GRIN2B: variants seen among roughly 807,000 people sequenced by gnomAD.
GRIN2B encodes the protein glutamate receptor ionotropic, NMDA 2B.
In GRIN2B, 5 loss-of-function variants were observed where a neutral mutation model predicts 114.5. The observed-to-expected ratio is 0.04, with a 90% CI of 0.02 to 0.09. GRIN2B has a LOEUF of 0.09. Among genes scored for constraint, GRIN2B ranks in the 10% least tolerant of loss-of-function variants. GRIN2B has a pLI of 1.00. For missense variants in GRIN2B, 1,108 were observed against 1,943.5 expected (o/e 0.57, Z 8.08); for synonymous variants, 787 against 745.1 (o/e 1.06, Z -0.92).
Position 13,873,754 on chromosome 12 carries a change from T to A in GRIN2B, c.-18-7528A>T, listed in dbSNP as rs556025303. Among the ~76,000 whole-genome samples, 12 of 152,240 alleles carry A rather than the reference T, an allele frequency of 7.9e-5. No individual in the cohort carries two copies. The South Asian group carries it at 2.5e-3, about 32-fold the overall frequency. On this transcript the variant is annotated intron_variant, in intron 2 of 13. Transcript: ENST00000609686. ...CATGCTAGATACATGCCCAATTCAT[T>A]TGTCATTGAGTGACCCACATGACAA...
chr12:13,587,492 C>T (rs1948945321), intron 10 of GRIN2B, among the ~76,000 whole-genome samples: 2 of 151,968 alleles, frequency 1.3e-5, no homozygotes, highest in African/African-American at 2.4e-5. Context: ...GTAGCTGGGA[C>T]TACAGGTGCT....
chr12:13,787,283 C>T lies in GRIN2B; in HGVS notation c.412-33368G>A, dbSNP rs149791923. 7.6e-4 allele frequency among the ~76,000 whole-genome samples: 115 copies of T among 152,242 alleles called. 1 individual carries two copies. The highest frequency in any genetic ancestry group is 2.6e-3 in the African/African-American group (110 of 41,556). On this transcript the variant is annotated intron_variant, in intron 3 of 13. Coordinates refer to ENST00000609686, the MANE Select transcript of GRIN2B (RefSeq NM_000834.5). ...AACTCTTCAGCCATTCATTGCTTAT[C>T]GGACACGTATCATCAGAAAAGGTGA...
chr12:13,736,145 G>C (rs75345267), intron 4 of GRIN2B, among the ~76,000 whole-genome samples: 18 of 16,420 alleles, frequency 1.1e-3, no homozygotes, highest in African/African-American at 3.8e-3. Flanking sequence ...CGGGGGGGGG[G>C]GGGGGTTGGC....
At chr12:13,890,536 A>G (rs1306055025) in intron 2 of GRIN2B, among the ~76,000 whole-genome samples, 1 of 152,166 alleles carries the variant, frequency 6.6e-6, no homozygotes, top group African/African-American at 2.4e-5. Flanking sequence ...AGTGGCAGCA[A>G]TCTGGTTGGA....
chr12:13,705,924 G>C (rs1390422660), intron 4 of GRIN2B, among the ~76,000 whole-genome samples: 1 of 152,234 alleles, frequency 6.6e-6, no homozygotes, highest in Non-Finnish European at 1.5e-5. Context: ...GTAATCATTT[G>C]CTATCCATGC....
intron 4 of GRIN2B, among the ~76,000 whole-genome samples, chr12:13,751,598 C>T (rs1863484691): frequency 6.6e-6 from 1 of 152,052 alleles, no homozygotes; most frequent in Non-Finnish European, 1.5e-5. Flanking sequence ...TAATAGAATA[C>T]ATCATTGACA....
At chr12:13,720,315 G>C (rs959511140) in intron 4 of GRIN2B, among the ~76,000 whole-genome samples, 3 of 151,920 alleles carry the variant, frequency 2.0e-5, no homozygotes, top group Admixed American at 2.0e-4. Context: ...TTCTAGCATT[G>C]TGTCAGACTG....
chr12:13,643,296 C>A (rs1194025685), intron 5 of GRIN2B, among the ~76,000 whole-genome samples: 2 of 152,120 alleles, frequency 1.3e-5, no homozygotes, highest in South Asian at 2.1e-4. Flanking sequence ...AAAAGTCACA[C>A]AAATTTTTGT....
At chr12:13,852,785 T>C (rs11055646) in intron 3 of GRIN2B, among the ~76,000 whole-genome samples, 32,311 of 151,138 alleles carry the variant, frequency 0.21, 4,065 homozygotes, top group African/African-American at 0.36. Flanking sequence ...AATGGCTCCA[T>C]GGCATATGCT....
At chr12:13,910,557 G>A (rs750493049) in intron 2 of GRIN2B, among the ~76,000 whole-genome samples, 3 of 152,158 alleles carry the variant, frequency 2.0e-5, no homozygotes, top group Non-Finnish European at 4.4e-5. Context: ...CTTTGGCTAA[G>A]GTCTTCATCT....
At position 13,538,974 on chromosome 12, in the gene GRIN2B, C is replaced by G. The variant is rs1948245102; in HGVS notation, c.*23809G>C. The stretch of plus-strand genomic sequence containing the variant: ...TTTTCAGATTATTGTTAAAGCAGTT[C>G]TGTTGTCCAAAAAAAATTTGGGGTT... On this transcript the variant is annotated 3_prime_UTR_variant, in exon 14 of 14. Transcript: ENST00000609686. 6.6e-6 allele frequency: 1 copy of G among 151,500 alleles called. No individual in the cohort carries two copies. The highest frequency in any genetic ancestry group is 2.1e-4 in the South Asian group (1 of 4,808). 9.4% of individuals were successfully genotyped at this position (151,500 alleles called of 1,614,324 possible).
chr12:13,566,878 C>A (rs1277051806), intron 13 of GRIN2B, 147 bp downstream of exon 13: 2 of 689,756 alleles, frequency 2.9e-6, no homozygotes, highest in Non-Finnish European at 5.3e-6. Flanking sequence ...TCATATCACA[C>A]AAACTCCTAA....
At chr12:13,865,418 G>A (rs1390997692) in intron 3 of GRIN2B, among the ~76,000 whole-genome samples, 1 of 151,730 alleles carries the variant, frequency 6.6e-6, no homozygotes, top group Non-Finnish European at 1.5e-5. Flanking sequence ...GATCACCTGA[G>A]GTAAGGAGTT....
chr12:13,837,933 C>A (rs1003360976), intron 3 of GRIN2B, among the ~76,000 whole-genome samples: 15 of 152,088 alleles, frequency 9.9e-5, no homozygotes, highest in African/African-American at 3.6e-4. Flanking sequence ...GGGCACACTG[C>A]GTTTCTAACA....
intron 5 of GRIN2B, among the ~76,000 whole-genome samples, chr12:13,642,003 T>C (rs1949721753): frequency 6.6e-6 from 1 of 151,936 alleles, no homozygotes; most frequent in South Asian, 2.1e-4. Context: ...GCCTGGCCAA[T>C]GTGATGAAAC....
intron 5 of GRIN2B, among the ~76,000 whole-genome samples, chr12:13,617,704 T>G (rs1949461840): frequency 6.6e-6 from 1 of 152,240 alleles, no homozygotes; most frequent in Non-Finnish European, 1.5e-5. Flanking sequence ...ATTTCCTCCA[T>G]GCAGCAATGC....
chr12:13,565,324 G>A (rs549788778), intron 13 of GRIN2B, among the ~76,000 whole-genome samples: 14 of 151,112 alleles, frequency 9.3e-5, no homozygotes, highest in Non-Finnish European at 1.6e-4. Flanking sequence ...GGAAGAATTG[G>A]GAAAAACAGC....
intron 2 of GRIN2B, among the ~76,000 whole-genome samples, chr12:13,914,790 T>A (rs1866684623): frequency 6.6e-6 from 1 of 152,142 alleles, no homozygotes; most frequent in Non-Finnish European, 1.5e-5. Context: ...GAATTGGAGA[T>A]CACTATGTTG....
intron 4 of GRIN2B, among the ~76,000 whole-genome samples, chr12:13,733,597 G>T (rs1198162058): frequency 1.3e-5 from 2 of 152,130 alleles, no homozygotes; most frequent in African/African-American, 4.8e-5. Flanking sequence ...ATGGCTCCTG[G>T]TGTTGTATAC....
Sources: allele counts gnomAD v4.1 joint callset (sites outside exome capture counted in the v4.1 genomes callset), GRCh38; gene constraint gnomAD v4.1.1; transcripts MANE v1.5; gene names NCBI Gene and HGNC (gene_info 2026-07-23, HGNC 2026-07-21).